The following ARHGEF37 variants were observed in gnomAD, a reference collection of about 807,000 sequenced individuals.
ARHGEF37 encodes Rho guanine nucleotide exchange factor 37.
ARHGEF37 carries 55 observed loss-of-function variants against 71.1 expected under a neutral mutation model. That is an observed-to-expected ratio of 0.77 (90% CI 0.62 to 0.97). The LOEUF (loss-of-function observed/expected upper bound fraction) is 0.97, where lower values mean the gene tolerates loss of function less well. Ranked by LOEUF, ARHGEF37 falls within the 50% of genes least tolerant of loss-of-function variation. The pLI is 0.00. For synonymous variants in ARHGEF37, 327 were observed against 350.6 expected (o/e 0.93, Z 0.75); for missense variants, 765 against 836.8 (o/e 0.91, Z 1.06).
intron 2 of ARHGEF37, among the ~76,000 whole-genome samples, chr5:149,598,560 C>A (rs187501054): frequency 6.6e-6 from 1 of 151,208 alleles, no homozygotes; most frequent in African/African-American, 2.4e-5. Flanking sequence ...TCACTGTCAG[C>A]GACTTGGCCT....
In ARHGEF37 at chr5:149,622,055, T is replaced by C; in HGVS notation, c.1328T>C (p.Met443Thr). 2 of 1,608,488 alleles carry C rather than the reference T, an allele frequency of 1.2e-6. No homozygotes were observed. Among genetic ancestry groups the C allele is most frequent in the African/African-American group, 2.7e-5 (2 of 74,978 alleles). The change falls in exon 9 of 13, where the codon ATG becomes ACG. Residue 443 changes from methionine to threonine, a missense_variant. By Grantham distance (81) the Met-to-Thr change is moderately conservative. This residue lies in a region of ARHGEF37 where 390 missense variants were observed against 407.4 expected (regional missense o/e 0.96). Transcript: ENST00000333677. The part of the protein sequence containing the change: ...KQVLQRAEGS[M>T]AQLPHHHVPE... ...GTGCTGCAGAGGGCAGAGGGAAGCA[T>C]GGCCCAGGTAAGGCCTCTGAGACTT...
At chr5:149,619,777 A>T (rs1185750362) in intron 7 of ARHGEF37, among the ~76,000 whole-genome samples, 4 of 152,228 alleles carry the variant, frequency 2.6e-5, no homozygotes, top group Non-Finnish European at 5.9e-5. Context: ...CATGGGAAAA[A>T]ACAAACGCAC....
chr5:149,609,829 G>A, intron 4 of ARHGEF37, 134 bp downstream of exon 4: 3 of 1,272,344 alleles, frequency 2.4e-6, no homozygotes, highest in Non-Finnish European at 3.2e-6. Context: ...TGTTAGTCAG[G>A]ATAGGGCAGG....
chr5:149,625,429 T>A (rs1389916184), intron 10 of ARHGEF37, among the ~76,000 whole-genome samples: 2 of 152,028 alleles, frequency 1.3e-5, no homozygotes, highest in South Asian at 4.2e-4. Flanking sequence ...GCCCTGAGAT[T>A]CCCCAGAGGG....
rs369429013 is a variant in ARHGEF37, at chr5:149,569,701, C to G, written c.-12+17578C>G. On this transcript the variant is annotated intron_variant, in intron 1 of 2. Coordinates refer to the ARHGEF37 transcript ENST00000505810. ...GCTCGGTCTTGGCTCACTGCAACCT[C>G]CGCCTCCCAGGTTCAAGCGATTCTC... Among the ~76,000 whole-genome samples, 12 of 152,152 alleles carry G rather than the reference C, an allele frequency of 7.9e-5. No homozygotes were observed. In the East Asian group the frequency reaches 2.3e-3, roughly 29 times the overall value.
At chr5:149,625,348 G>T (rs1042379560) in intron 10 of ARHGEF37, among the ~76,000 whole-genome samples, 7 of 152,218 alleles carry the variant, frequency 4.6e-5, no homozygotes, top group Non-Finnish European at 1.0e-4. Context: ...TCAGACTGTG[G>T]CAAGACCTGG....
chr5:149,608,709 T>C (rs757170712), intron 3 of ARHGEF37, among the ~76,000 whole-genome samples: 13 of 151,914 alleles, frequency 8.6e-5, no homozygotes, highest in Non-Finnish European at 1.9e-4. Flanking sequence ...GATGAGAAAA[T>C]AGAGAGCTAG....
chr5:149,620,554 G>T, intron 8 of ARHGEF37, 90 bp downstream of exon 8: 1 of 1,042,580 alleles, frequency 9.6e-7, no homozygotes. Flanking sequence ...CTTTGGCCAG[G>T]CGTGGTGGCT....
rs1205812309 is a variant in ARHGEF37, at chr5:149,627,101, AG to A, written c.1492del (p.Val498CysfsTer5). On this transcript the variant is annotated frameshift_variant, in exon 11 of 13. Coordinates refer to ENST00000333677, the MANE Select transcript of ARHGEF37 (RefSeq NM_001001669.3). LOFTEE classifies it high-confidence loss of function. ...TQPLLPGSERQVQALLSRYGP... is the reference protein window; with the variant it reads ...TQPLLPGSERXVQALLSRYGP... ...CCGCTCCTTCCAGGGTCTGAACGCC[AG>A]GTGCAGGCTCTCCTGAGCAGGTATG... 2 of 1,613,510 alleles carry A rather than the reference AG, an allele frequency of 1.2e-6. No homozygotes were observed. Among genetic ancestry groups the A allele is most frequent in the African/African-American group, 2.7e-5 (2 of 74,936 alleles).
rs761065563 is a variant in ARHGEF37, at chr5:149,597,790, C to T, written c.21C>T (p.Asp7=). The T allele has an allele frequency of 1.8e-5, 28 of 1,568,018 alleles. No homozygotes were observed. Among genetic ancestry groups the T allele is most frequent in the East Asian group, 9.4e-5 (4 of 42,608 alleles). The change falls in exon 2 of 13, where the codon GAC becomes GAT. Residue 7 remains aspartate (D), a synonymous_variant. Coordinates refer to ENST00000333677, the MANE Select transcript of ARHGEF37 (RefSeq NM_001001669.3). MAKHGA[D]EPSSRSGSPD... ...CTGACATGGCCAAGCATGGAGCCGA[C>T]GAGCCATCCTCCAGGTCAGGGAGTC...
Position 149,591,585 on chromosome 5 carries a change from T to A in ARHGEF37, c.-11-6174T>A, listed in dbSNP as rs540339279. On this transcript the variant is annotated intron_variant, in intron 1 of 12. Transcript: ENST00000333677. ...TTTAAGCTGCTTTGTCCTGAGAGTA[T>A]TGCAAAGATAGTGAATAACTTAAGC... Among the ~76,000 whole-genome samples the A allele has an allele frequency of 3.9e-5, 6 of 152,338 alleles. No individual in the cohort carries two copies. The South Asian group carries it at 1.2e-3, about 32-fold the overall frequency.
chr5:149,556,777 C>A (rs1056483750), intron 1 of ARHGEF37, among the ~76,000 whole-genome samples: 2 of 152,238 alleles, frequency 1.3e-5, no homozygotes, highest in African/African-American at 4.8e-5. Context: ...CCTGCTTCAG[C>A]CTCCCAAAAT....
At chr5:149,597,393 G>A (rs1763579282) in intron 1 of ARHGEF37, among the ~76,000 whole-genome samples, 1 of 152,060 alleles carries the variant, frequency 6.6e-6, no homozygotes, top group African/African-American at 2.4e-5. Flanking sequence ...TGAGTAGCTG[G>A]GACTACAGGA....
chr5:149,604,607 C>G (rs1763855847), intron 3 of ARHGEF37, among the ~76,000 whole-genome samples: 1 of 151,660 alleles, frequency 6.6e-6, no homozygotes, highest in African/African-American at 2.4e-5. Context: ...TGCTGTCTCT[C>G]TATTCCCCTT....
At chr5:149,590,798 C>G (rs1396593476) in intron 1 of ARHGEF37, among the ~76,000 whole-genome samples, 1 of 151,976 alleles carries the variant, frequency 6.6e-6, no homozygotes, top group Non-Finnish European at 1.5e-5. Context: ...GGGGTTTCAC[C>G]ACGTTGCCCA....
intron 3 of ARHGEF37, among the ~76,000 whole-genome samples, chr5:149,603,143 G>A (rs982710195): frequency 3.3e-5 from 5 of 152,004 alleles, no homozygotes; most frequent in African/African-American, 1.2e-4. Context: ...ATGTTGGCCA[G>A]GCTGGTCTCG....
chr5:149,584,114 G>T (rs1337332055), intron 1 of ARHGEF37, among the ~76,000 whole-genome samples: 1 of 152,088 alleles, frequency 6.6e-6, no homozygotes, highest in South Asian at 2.1e-4. Flanking sequence ...ATACTGGAAG[G>T]CTCAAGAACT....
intron 1 of ARHGEF37, among the ~76,000 whole-genome samples, chr5:149,566,389 C>A (rs539129725): frequency 6.6e-6 from 1 of 151,836 alleles, no homozygotes; most frequent in Non-Finnish European, 1.5e-5. Context: ...CCCAGCTACT[C>A]GGGAGGCTGA....
chr5:149,598,737 C>CATATATATATATATAT (rs201234693), intron 2 of ARHGEF37, among the ~76,000 whole-genome samples: 94 of 104,600 alleles, frequency 9.0e-4, no homozygotes, highest in African/African-American at 3.1e-3. Context: ...AAATAAATCT[C>CATATATATATATATAT]ATATATATAT....
Sources: gnomAD v4.1 joint callset for allele counts (sites outside exome capture counted in the v4.1 genomes callset) on GRCh38, gnomAD v4.1.1 for gene constraint, gnomAD v4.1.1 regional missense constraint, MANE v1.5 for transcripts, NCBI Gene and HGNC (gene_info 2026-07-23, HGNC 2026-07-21) for gene names.